Variants in MADD observed in about 807,000 individuals in gnomAD.
The protein encoded by MADD is MAP kinase-activating death domain protein.
MADD carries 109 observed loss-of-function variants against 176.7 expected under a neutral mutation model. The ratio of observed to expected loss-of-function variants is 0.62; its 90% confidence interval spans 0.53 to 0.72. The LOEUF is 0.72. MADD is among the 30% of genes least tolerant of loss of function. The pLI is 0.00. For synonymous variants in MADD, 771 were observed against 771.3 expected (o/e 1.00, Z 0.01); for missense variants, 1,914 against 2,045.5 (o/e 0.94, Z 1.24).
chr11:47,289,741 C>T, intron 16 of MADD, 126 bp from the exon 18 acceptor site: 1 of 1,101,834 alleles, frequency 9.1e-7, no homozygotes, highest in Non-Finnish European at 1.3e-6. Flanking sequence ...GGATGTGGTG[C>T]ACTTGGACAT....
intron 10 of MADD, 31 bp from the exon 11 acceptor site, chr11:47,284,147 T>G: frequency 6.8e-7 from 1 of 1,469,386 alleles, no homozygotes; most frequent in Non-Finnish European, 9.5e-7. Flanking sequence ...CCTTTCTGTT[T>G]TGTTTGTTTT....
In MADD at chr11:47,288,963, C is replaced by T. The variant is rs1401982254; in HGVS notation, c.2654-428C>T. 2.5e-6 allele frequency: 4 copies of T among 1,592,608 alleles called. No individual in the cohort carries two copies. Among genetic ancestry groups the T allele is most frequent in the Non-Finnish European group, 3.4e-6 (4 of 1,173,182 alleles). ...CACCTACTAATTGTGTATTTTGTGT[C>T]CCAGTATTTGGGCTAAATACTCTAA... is the stretch of plus-strand genomic sequence containing the variant. On this transcript the variant is annotated intron_variant, in intron 15 of 32. Coordinates refer to ENST00000402192, the Ensembl canonical transcript of MADD.
intron 22 of MADD, among the ~76,000 whole-genome samples, chr11:47,306,594 G>A (rs1450743095): frequency 6.6e-6 from 1 of 152,072 alleles, no homozygotes; most frequent in Non-Finnish European, 1.5e-5. Context: ...CCTTGCTGTG[G>A]GGAGAAGTTC....
In MADD at chr11:47,296,060, G is replaced by T; in HGVS notation, c.3642+5G>T. The T allele has an allele frequency of 6.2e-7, 1 of 1,607,528 alleles. No individual in the cohort carries two copies. The highest frequency in any genetic ancestry group is 8.5e-7 in the Non-Finnish European group (1 of 1,177,960). ...TCTGCCACAAGCACCATCTTTGTAAGCTTTGTTTATTAACAAAAGAAAACC... is the reference window on the plus strand; with the variant it reads ...TCTGCCACAAGCACCATCTTTGTAATCTTTGTTTATTAACAAAAGAAAACC... On this transcript the variant is annotated splice_donor_5th_base_variant and intron_variant, in intron 22 of 32. Coordinates refer to ENST00000402192, the Ensembl canonical transcript of MADD.
Position 47,282,808 on chromosome 11 carries a change from G to T in MADD, c.1706-5G>T. The T allele has an allele frequency of 5.0e-6, 8 of 1,613,150 alleles. No homozygotes were observed. The highest frequency in any genetic ancestry group is 6.8e-6 in the Non-Finnish European group (8 of 1,179,284). On this transcript the variant is annotated splice_region_variant and splice_polypyrimidine_tract_variant and intron_variant, in intron 9 of 32. Coordinates refer to ENST00000402192, the Ensembl canonical transcript of MADD. ...GACTTTCTGTTCTTTTCCCTCATGG[G>T]GTAGATATGTTTGATCCAGCCCTGA...
intron 26 of MADD, among the ~76,000 whole-genome samples, chr11:47,314,663 G>A (rs1238869582): frequency 2.0e-5 from 3 of 152,096 alleles, no homozygotes; most frequent in African/African-American, 4.8e-5. Flanking sequence ...AGAAGAATAC[G>A]TCTATTTATC....
intron 22 of MADD, among the ~76,000 whole-genome samples, chr11:47,306,200 T>C (rs903364048): frequency 6.6e-6 from 1 of 151,972 alleles, no homozygotes; most frequent in Non-Finnish European, 1.5e-5. Context: ...GAGGGGTAGG[T>C]GGAGTGGCTC....
exon 8 of MADD, chr11:47,281,613 C>G (rs189401092): frequency 2.5e-6 from 4 of 1,612,120 alleles, no homozygotes; most frequent in South Asian, 1.1e-5. Flanking sequence ...AGCCCATCCT[C>G]AATCTGGAGA....
intron 22 of MADD, among the ~76,000 whole-genome samples, chr11:47,300,239 C>T (rs1438585556): frequency 1.4e-5 from 2 of 139,340 alleles, no homozygotes; most frequent in Non-Finnish European, 3.0e-5. Context: ...CGGAGTCTTG[C>T]TCTGTTGCCC....
At chr11:47,317,820 G>A (rs1300213924) in intron 27 of MADD, among the ~76,000 whole-genome samples, 27 of 151,650 alleles carry the variant, frequency 1.8e-4, no homozygotes, top group Admixed American at 1.8e-3. Context: ...GCCCAGGCTG[G>A]ATGCAGTGGC....
chr11:47,329,506 T>A, exon 33 of MADD: 1 of 212,482 alleles, frequency 4.7e-6, no homozygotes, highest in Non-Finnish European at 9.7e-6. Context: ...AGTCTGGCTC[T>A]CCCTTCTCTG....
exon 3 of MADD, chr11:47,274,724 C>A (rs1367164997): frequency 1.9e-6 from 3 of 1,614,082 alleles, no homozygotes; most frequent in South Asian, 2.2e-5. Context: ...CGGGATGATA[C>A]CTCTTTTGTC....
chr11:47,311,173 T>C (rs533111861), intron 25 of MADD, among the ~76,000 whole-genome samples: 2 of 152,236 alleles, frequency 1.3e-5, no homozygotes, highest in South Asian at 4.1e-4. Context: ...TTCTCCTCCT[T>C]CTGTTCTCCC....
intron 22 of MADD, among the ~76,000 whole-genome samples, chr11:47,303,287 GC>G (rs2079542232): frequency 2.1e-5 from 3 of 142,240 alleles, no homozygotes; most frequent in African/African-American, 7.9e-5. Flanking sequence ...TGTCACCCAG[GC>G]TGGAGTACAG....
rs1307764399 is a variant in MADD, at chr11:47,326,827, C to T, written c.4612+20C>T. On this transcript the variant is annotated intron_variant, in intron 31 of 32. Coordinates refer to ENST00000402192, the Ensembl canonical transcript of MADD. ...AATTTGGTAATTACACTATTTTGCTCTTAGGTCTGGACTCACATGGCAGTA... is the reference window on the plus strand; with the variant it reads ...AATTTGGTAATTACACTATTTTGCTTTTAGGTCTGGACTCACATGGCAGTA... The T allele has an allele frequency of 1.2e-6, 2 of 1,613,910 alleles. No homozygotes were observed. Among genetic ancestry groups the T allele is most frequent in the African/African-American group, 1.3e-5 (1 of 75,016 alleles).
At chr11:47,324,970 C>G in intron 30 of MADD, 1 of 580,468 alleles carries the variant, frequency 1.7e-6, no homozygotes, top group Non-Finnish European at 3.1e-6. Flanking sequence ...GGCCGATCTC[C>G]TTGTGTCTTT....
At chr11:47,327,369 T>C (rs2095562050) in intron 31 of MADD, 1 of 985,400 alleles carries the variant, frequency 1.0e-6, no homozygotes. Context: ...CCCTGGGGCT[T>C]TGAGTTCCTG....
At chr11:47,316,099 G>A (rs1231412960) in intron 27 of MADD, among the ~76,000 whole-genome samples, 2 of 152,064 alleles carry the variant, frequency 1.3e-5, no homozygotes, top group Admixed American at 6.6e-5. Context: ...ACCTCCCAAA[G>A]TGCTGGGATT....
intron 22 of MADD, among the ~76,000 whole-genome samples, chr11:47,302,779 T>G (rs1024298225): frequency 3.3e-5 from 5 of 152,208 alleles, no homozygotes; most frequent in Admixed American, 6.5e-5. Flanking sequence ...AGTGTGGACT[T>G]ACTTCTGTTG....
Sources: allele counts gnomAD v4.1 joint callset (sites outside exome capture counted in the v4.1 genomes callset), GRCh38; gene constraint gnomAD v4.1.1; transcripts MANE v1.5; gene names NCBI Gene and HGNC (gene_info 2026-07-23, HGNC 2026-07-21).